The following P2RY12 variants were observed in gnomAD, a reference collection of about 807,000 sequenced individuals.
P2RY12 encodes the protein P2Y purinoceptor 12.
Under a neutral mutation model 4.5 loss-of-function variants are expected in P2RY12, and 3 were observed. The observed-to-expected ratio is 0.67, with a 90% CI of 0.31 to 1.74. P2RY12 has a LOEUF of 1.74. P2RY12 is among the 40% of genes most tolerant of loss of function. The probability of loss-of-function intolerance (pLI) is 0.09; values close to 1 mark genes in which losing one functional copy is unlikely to be tolerated. For synonymous variants in P2RY12, 148 were observed against 154.1 expected, an observed-to-expected ratio of 0.96 and a Z score of 0.29; for missense variants, 356 against 407.8, an observed-to-expected ratio of 0.87 and a Z score of 1.09.
intron 1 of P2RY12, among the ~76,000 whole-genome samples, chr3:151,377,456 A>G (rs1756981779): frequency 6.6e-6 from 1 of 152,338 alleles, no homozygotes; most frequent in South Asian, 2.1e-4. Flanking sequence ...CGTAGTATTC[A>G]TTATATGGGA....
At chr3:151,383,067 ATACT>A (rs1358151194) in intron 1 of P2RY12, among the ~76,000 whole-genome samples, 2 of 151,956 alleles carry the variant, frequency 1.3e-5, no homozygotes, top group East Asian at 3.9e-4. Flanking sequence ...AGCTTCTACT[ATACT>A]TACTTAAAAC....
intron 1 of P2RY12, among the ~76,000 whole-genome samples, chr3:151,376,389 CA>C (rs1756859969): frequency 6.6e-6 from 1 of 152,088 alleles, no homozygotes; most frequent in African/African-American, 2.4e-5. Flanking sequence ...GTACATGCTG[CA>C]AATTGTATAT....
chr3:151,376,689 C>G (rs1756895532), intron 1 of P2RY12: 1 of 868,748 alleles, frequency 1.2e-6, no homozygotes, highest in Non-Finnish European at 1.8e-6. Flanking sequence ...TAAATTATTT[C>G]ATTGTGTATG....
intron 1 of P2RY12, chr3:151,355,814 C>A: frequency 7.7e-7 from 1 of 1,296,030 alleles, no homozygotes; most frequent in Non-Finnish European, 1.0e-6. Flanking sequence ...ATTCAACTGT[C>A]TTAAAAAGTA....
intron 1 of P2RY12, among the ~76,000 whole-genome samples, chr3:151,379,267 TGAA>T (rs1711787624): frequency 1.3e-5 from 2 of 152,338 alleles, no homozygotes; most frequent in South Asian, 2.1e-4. Context: ...CAGATGGTAT[TGAA>T]GAGACTTGAA....
At chr3:151,344,485 C>T (rs1752288645) in intron 1 of P2RY12, among the ~76,000 whole-genome samples, 1 of 152,090 alleles carries the variant, frequency 6.6e-6, no homozygotes, top group African/African-American at 2.4e-5. Context: ...TGTTTTAAGG[C>T]ATCTTTTAAG....
At chr3:151,373,337 G>A (rs894440766) in intron 1 of P2RY12, among the ~76,000 whole-genome samples, 2 of 152,148 alleles carry the variant, frequency 1.3e-5, no homozygotes, top group Non-Finnish European at 2.9e-5. Context: ...CAAGGGTGAT[G>A]TTAATTTTGA....
intron 2 of P2RY12, among the ~76,000 whole-genome samples, chr3:151,340,200 TGG>T (rs754669262): frequency 4.6e-5 from 7 of 152,292 alleles, no homozygotes; most frequent in Admixed American, 1.3e-4. Context: ...TACTGCTGTG[TGG>T]TCTTAGTTCA....
chr3:151,377,218 T>G, intron 1 of P2RY12: 1 of 1,543,894 alleles, frequency 6.5e-7, no homozygotes, highest in Non-Finnish European at 8.8e-7. Context: ...TCATGAATTT[T>G]TCACAAGTAA....
chr3:151,369,715 T>A (rs1363719346), intron 1 of P2RY12, among the ~76,000 whole-genome samples: 2 of 152,216 alleles, frequency 1.3e-5, no homozygotes, highest in Non-Finnish European at 2.9e-5. Flanking sequence ...TACATCAGAC[T>A]CTGGAAGATC....
At chr3:151,341,975 C>T (rs1751905564) in intron 1 of P2RY12, among the ~76,000 whole-genome samples, 1 of 152,114 alleles carries the variant, frequency 6.6e-6, no homozygotes, top group South Asian at 2.1e-4. Flanking sequence ...TCCAGTCTAT[C>T]ATTGTTGGAC....
intron 1 of P2RY12, among the ~76,000 whole-genome samples, chr3:151,380,422 C>A (rs1577506066): frequency 6.6e-6 from 1 of 151,994 alleles, no homozygotes; most frequent in African/African-American, 2.4e-5. Context: ...CATGGTGAAA[C>A]CCCGTCTGTA....
At chr3:151,353,858 C>A (rs1031769025) in intron 1 of P2RY12, among the ~76,000 whole-genome samples, 1 of 152,142 alleles carries the variant, frequency 6.6e-6, no homozygotes, top group African/African-American at 2.4e-5. Flanking sequence ...AATCACAGTG[C>A]TGGCCGGGCG....
intron 1 of P2RY12, chr3:151,376,032 G>A: frequency 1.3e-6 from 2 of 1,576,894 alleles, no homozygotes; most frequent in Admixed American, 1.8e-5. Flanking sequence ...TTAGGAATGG[G>A]TAGGAGAGCA....
chr3:151,343,605 A>G (rs1752150546), intron 1 of P2RY12, among the ~76,000 whole-genome samples: 2 of 150,208 alleles, frequency 1.3e-5, no homozygotes, highest in African/African-American at 4.9e-5. Flanking sequence ...AGATACTTTA[A>G]TCTCTCATTA....
At chr3:151,367,851 G>A in intron 1 of P2RY12, 4 of 1,429,236 alleles carry the variant, frequency 2.8e-6, no homozygotes, top group East Asian at 2.3e-5. Flanking sequence ...AGGGAAAGGA[G>A]TATTTGAGGG....
intron 1 of P2RY12, among the ~76,000 whole-genome samples, chr3:151,380,937 C>T (rs1259252943): frequency 6.6e-6 from 1 of 152,184 alleles, no homozygotes; most frequent in African/African-American, 2.4e-5. Context: ...GGTTCAGAAA[C>T]TCAGTTGTAT....
chr3:151,360,459 T>C (rs1447882953), intron 1 of P2RY12: 18 of 1,609,038 alleles, frequency 1.1e-5, no homozygotes. Flanking sequence ...TTTCTTCGTA[T>C]ATTTTTCTCC....
At chr3:151,339,597 T>A (rs1408578141) in intron 2 of P2RY12, among the ~76,000 whole-genome samples, 2 of 152,046 alleles carry the variant, frequency 1.3e-5, no homozygotes, top group African/African-American at 4.8e-5. Context: ...TTGAAGTTGC[T>A]GCATACATTT....
Sources: allele counts gnomAD v4.1 joint callset (sites outside exome capture counted in the v4.1 genomes callset), GRCh38; gene constraint gnomAD v4.1.1; transcripts MANE v1.5; gene names NCBI Gene and HGNC (gene_info 2026-07-23, HGNC 2026-07-21).